NBEA: variants seen among roughly 807,000 people sequenced by gnomAD.
NBEA encodes lysosomal-trafficking regulator 2.
NBEA carries 44 observed loss-of-function variants against 343.4 expected under a neutral mutation model. The observed-to-expected ratio is 0.13, with a 90% CI of 0.10 to 0.16. The LOEUF (loss-of-function observed/expected upper bound fraction) is 0.16, where lower values mean the gene tolerates loss of function less well. NBEA is among the 10% of genes least tolerant of loss of function. The pLI, the probability that NBEA is intolerant of heterozygous loss-of-function variation, is 1.00. For synonymous variants in NBEA, 1,175 were observed against 1,238.7 expected (o/e 0.95, Z 1.08); for missense variants, 2,555 against 3,631.3 (o/e 0.70, Z 7.62).
chr13:35,444,321 T>TC (rs1267309529), intron 39 of NBEA, among the ~76,000 whole-genome samples: 1 of 152,052 alleles, frequency 6.6e-6, no homozygotes, highest in East Asian at 1.9e-4. Context: ...CATTTAGAGT[T>TC]ACTAAAAGCA....
At chr13:34,958,397 G>A (rs1365419411) in intron 1 of NBEA, among the ~76,000 whole-genome samples, 2 of 152,076 alleles carry the variant, frequency 1.3e-5, no homozygotes, top group African/African-American at 2.4e-5. Context: ...CAGTAAGAAG[G>A]GGAGGACAGA....
chr13:35,107,894 C>G (rs1215813729), intron 11 of NBEA, among the ~76,000 whole-genome samples: 4 of 152,018 alleles, frequency 2.6e-5, no homozygotes, highest in African/African-American at 9.7e-5. Context: ...TAGGACTCAG[C>G]AAAGAGGTTA....
At chr13:35,634,987 CCAGAAGATAGATGTGTCTTTAACCAAAA>C (rs139309026) in intron 49 of NBEA, among the ~76,000 whole-genome samples, 1,790 of 152,126 alleles carry the variant, frequency 0.012, 39 homozygotes, top group African/African-American at 0.04. Context: ...CTGTCAAGAA[CCAGAAGATAGATGTGTCTTTAACCAAAA>C]CAGCTGCAAT....
intron 10 of NBEA, among the ~76,000 whole-genome samples, chr13:35,093,954 A>C (rs750860490): frequency 6.6e-6 from 1 of 151,794 alleles, no homozygotes; most frequent in Admixed American, 6.6e-5. Flanking sequence ...CAAACTATAT[A>C]AATTTTGTTA....
intron 36 of NBEA, among the ~76,000 whole-genome samples, chr13:35,332,954 G>A (rs1330753963): frequency 6.6e-6 from 1 of 152,174 alleles, no homozygotes; most frequent in South Asian, 2.1e-4. Flanking sequence ...CTCAGTATAT[G>A]CCTAAAGTAA....
chr13:34,975,511 A>G (rs2060137735), intron 1 of NBEA, among the ~76,000 whole-genome samples: 2 of 152,232 alleles, frequency 1.3e-5, no homozygotes, highest in Admixed American at 1.3e-4. Context: ...ACCCTTCTAG[A>G]CATTGGCTTA....
chr13:35,138,210 G>T (rs999106485), intron 17 of NBEA, among the ~76,000 whole-genome samples: 2 of 151,934 alleles, frequency 1.3e-5, no homozygotes, highest in African/African-American at 4.8e-5. Context: ...AATACATAGG[G>T]TTGGTAAAAT....
At chr13:35,401,683 C>T (rs1037634515) in intron 38 of NBEA, among the ~76,000 whole-genome samples, 4 of 151,932 alleles carry the variant, frequency 2.6e-5, no homozygotes, top group East Asian at 1.9e-4. Context: ...CAATAAGATC[C>T]GTCTATTGCT....
chr13:35,598,436 A>G (rs916558598), intron 47 of NBEA, among the ~76,000 whole-genome samples: 4 of 152,082 alleles, frequency 2.6e-5, no homozygotes, highest in Middle Eastern at 3.2e-3. Flanking sequence ...TGCCCTCTGA[A>G]TCGTTCTTTT....
intron 40 of NBEA, among the ~76,000 whole-genome samples, chr13:35,468,101 G>GGTTA (rs111813201): frequency 7.6e-6 from 1 of 131,596 alleles, no homozygotes; most frequent in East Asian, 2.5e-4. Flanking sequence ...TCCTGAAAAT[G>GGTTA]ATTTACACCC....
chr13:35,495,558 T>G (rs913875149), intron 41 of NBEA, among the ~76,000 whole-genome samples: 7 of 151,966 alleles, frequency 4.6e-5, no homozygotes, highest in Admixed American at 2.0e-4. Flanking sequence ...GTATTTTATA[T>G]GTATCATTTT....
chr13:35,582,391 A>G (rs1295426055), intron 45 of NBEA, among the ~76,000 whole-genome samples: 1 of 152,188 alleles, frequency 6.6e-6, no homozygotes, highest in Non-Finnish European at 1.5e-5. Flanking sequence ...TTTTACCAAT[A>G]ATGTAATTAT....
intron 41 of NBEA, among the ~76,000 whole-genome samples, chr13:35,493,200 T>TTGTCTGAGAAGGAATTTTGTG (rs2076561221): frequency 1.3e-5 from 2 of 151,784 alleles, no homozygotes; most frequent in African/African-American, 4.8e-5. Flanking sequence ...ACAATCTGAG[T>TTGTCTGAGAAGGAATTTTGTG]CACCAGAGCC....
intron 47 of NBEA, among the ~76,000 whole-genome samples, chr13:35,602,445 A>G (rs1201101541): frequency 6.6e-6 from 1 of 151,844 alleles, no homozygotes; most frequent in African/African-American, 2.4e-5. Context: ...ACTATCCCCA[A>G]CTCTGGACTT....
chr13:35,050,794 C>G (rs537871020), intron 6 of NBEA, among the ~76,000 whole-genome samples: 2 of 151,868 alleles, frequency 1.3e-5, no homozygotes. Context: ...GGAGATTAAC[C>G]TAATCCTAGT....
At chr13:35,646,682 G>A (rs1235705807) in intron 51 of NBEA, among the ~76,000 whole-genome samples, 1 of 152,208 alleles carries the variant, frequency 6.6e-6, no homozygotes, top group African/African-American at 2.4e-5. Flanking sequence ...AATGAAAAAT[G>A]TATTGCAGAC....
At chr13:35,084,187 G>A (rs1429816369) in intron 10 of NBEA, among the ~76,000 whole-genome samples, 1 of 151,978 alleles carries the variant, frequency 6.6e-6, no homozygotes, top group East Asian at 1.9e-4. Context: ...AGTTAACAAG[G>A]ATATCCAGGA....
intron 34 of NBEA, among the ~76,000 whole-genome samples, chr13:35,234,240 C>T (rs1021249745): frequency 3.3e-5 from 5 of 152,064 alleles, no homozygotes; most frequent in African/African-American, 9.7e-5. Context: ...TATTATACTC[C>T]CACCTACAAA....
At chr13:35,169,074 G>GT (rs1280493995) in intron 25 of NBEA, 79 bp downstream of exon 25, 1 of 1,141,530 alleles carries the variant, frequency 8.8e-7, no homozygotes, top group East Asian at 2.6e-5. Context: ...TTTTGACTTG[G>GT]TTATATTTTG....
Sources: gnomAD v4.1 joint callset for allele counts (sites outside exome capture counted in the v4.1 genomes callset) on GRCh38, gnomAD v4.1.1 for gene constraint, MANE v1.5 for transcripts, NCBI Gene and HGNC (gene_info 2026-07-23, HGNC 2026-07-21) for gene names.